NCALD: variants seen among roughly 807,000 people sequenced by gnomAD.
NCALD encodes the protein neurocalcin delta.
A neutral mutation model predicts 18.6 loss-of-function variants in NCALD; 10 were observed. That is an observed-to-expected ratio of 0.54 (90% CI 0.33 to 0.91). The LOEUF is 0.91. Ranked by LOEUF, NCALD falls within the 40% of genes least tolerant of loss-of-function variation. The pLI, the probability that NCALD is intolerant of heterozygous loss-of-function variation, is 0.03. For missense variants in NCALD, 184 were observed against 247.6 expected (o/e 0.74, Z 1.72); for synonymous variants, 88 against 87.4 (o/e 1.01, Z -0.04).
chr8:102,041,059 G>A (rs1823033581), intron 1 of NCALD, among the ~76,000 whole-genome samples: 1 of 152,158 alleles, frequency 6.6e-6, no homozygotes, highest in Non-Finnish European at 1.5e-5. Flanking sequence ...CACCTATTCT[G>A]CTAATTTCTC....
chr8:102,075,113 G>A (rs1824300026), intron 1 of NCALD, among the ~76,000 whole-genome samples: 1 of 152,172 alleles, frequency 6.6e-6, no homozygotes, highest in African/African-American at 2.4e-5. Context: ...AAGACACACT[G>A]AGAAACTGAA....
chr8:102,021,295 A>G (rs1822264671), intron 1 of NCALD, among the ~76,000 whole-genome samples: 1 of 152,206 alleles, frequency 6.6e-6, no homozygotes, highest in Admixed American at 6.5e-5. Context: ...TTTGATTCAT[A>G]TTGATAATTT....
chr8:101,819,501 C>T (rs554940353), intron 4 of NCALD, among the ~76,000 whole-genome samples: 31 of 152,102 alleles, frequency 2.0e-4, no homozygotes, highest in African/African-American at 7.5e-4. Flanking sequence ...CATAGCTTTG[C>T]ACATTCTTTC....
intron 1 of NCALD, among the ~76,000 whole-genome samples, chr8:102,047,900 C>T (rs1160945479): frequency 1.3e-5 from 2 of 152,052 alleles, no homozygotes; most frequent in East Asian, 1.9e-4. Context: ...GGATATGATG[C>T]TATTTTTACA....
At chr8:102,054,660 CGATAGATAGATAGATAGATAGATA>C (rs10617345) in intron 1 of NCALD, among the ~76,000 whole-genome samples, 31 of 142,406 alleles carry the variant, frequency 2.2e-4, no homozygotes, top group African/African-American at 4.3e-4. Flanking sequence ...CTTTCTCTTC[CGATAGATAGATAGATAGATAGATA>C]GATAGATAGA....
intron 1 of NCALD, among the ~76,000 whole-genome samples, chr8:102,038,687 G>A (rs776833303): frequency 3.9e-5 from 6 of 152,154 alleles, no homozygotes; most frequent in South Asian, 4.1e-4. Context: ...CTTTAGCCAT[G>A]TGGCTGAAAC....
At chr8:101,858,256 G>A (rs1391552528) in intron 4 of NCALD, among the ~76,000 whole-genome samples, 3 of 152,086 alleles carry the variant, frequency 2.0e-5, no homozygotes. Context: ...CACGTCATTG[G>A]ATCTATAGAG....
chr8:101,966,095 C>T (rs1006815000), intron 2 of NCALD, among the ~76,000 whole-genome samples: 3 of 150,278 alleles, frequency 2.0e-5, no homozygotes, highest in African/African-American at 7.4e-5. Flanking sequence ...ATAAAAAATA[C>T]TCTGATAAAA....
intron 1 of NCALD, among the ~76,000 whole-genome samples, chr8:101,736,592 C>T (rs1586351901): frequency 6.6e-6 from 1 of 152,172 alleles, no homozygotes; most frequent in Non-Finnish European, 1.5e-5. Flanking sequence ...GACAAAAACA[C>T]CACTTTCCAG....
chr8:102,026,289 T>A (rs1302124155), intron 1 of NCALD, among the ~76,000 whole-genome samples: 2 of 152,174 alleles, frequency 1.3e-5, no homozygotes, highest in African/African-American at 4.8e-5. Flanking sequence ...CAAAGTCTCA[T>A]CTGAGACAAG....
intron 1 of NCALD, among the ~76,000 whole-genome samples, chr8:101,749,790 A>G (rs193252607): frequency 1.3e-5 from 2 of 152,282 alleles, no homozygotes; most frequent in East Asian, 3.9e-4. Flanking sequence ...TGTTAAAGTC[A>G]AATATATTCC....
At chr8:101,981,864 C>T (rs775043641) in intron 2 of NCALD, among the ~76,000 whole-genome samples, 3 of 152,090 alleles carry the variant, frequency 2.0e-5, no homozygotes, top group Non-Finnish European at 2.9e-5. Flanking sequence ...AACGTTTTGT[C>T]CCCTACCAAT....
chr8:101,951,234 G>A (rs959435041), intron 2 of NCALD, among the ~76,000 whole-genome samples: 13 of 152,298 alleles, frequency 8.5e-5, no homozygotes, highest in African/African-American at 3.1e-4. Context: ...TAGAAAAATG[G>A]TACCCCATGT....
At chr8:101,983,013 T>A (rs536672741) in intron 2 of NCALD, among the ~76,000 whole-genome samples, 10 of 152,046 alleles carry the variant, frequency 6.6e-5, no homozygotes, top group African/African-American at 2.4e-4. Flanking sequence ...GTATGCAGAG[T>A]CTAAACAATT....
chr8:101,699,139 C>T (rs1815139802), intron 2 of NCALD, among the ~76,000 whole-genome samples: 1 of 150,326 alleles, frequency 6.7e-6, no homozygotes, highest in Non-Finnish European at 1.5e-5. Flanking sequence ...CAAAAGAAGA[C>T]ATTTATGCAG....
At chr8:101,712,697 G>GT (rs1407871120) in intron 2 of NCALD, among the ~76,000 whole-genome samples, 9 of 151,660 alleles carry the variant, frequency 5.9e-5, no homozygotes, top group Non-Finnish European at 1.2e-4. Flanking sequence ...ATTACATAAT[G>GT]GTAAAGGGAT....
chr8:102,073,295 C>T (rs1001808943), intron 1 of NCALD, among the ~76,000 whole-genome samples: 5 of 150,982 alleles, frequency 3.3e-5, no homozygotes, highest in South Asian at 2.1e-4. Flanking sequence ...AGTGAGACCC[C>T]GATTCAAAAA....
chr8:101,710,675 C>T (rs1029998426), intron 2 of NCALD, among the ~76,000 whole-genome samples: 1 of 152,200 alleles, frequency 6.6e-6, no homozygotes, highest in Non-Finnish European at 1.5e-5. Context: ...CAGAGCCCAC[C>T]GCAGCACCAC....
At chr8:101,988,174 A>C (rs200638149) in intron 2 of NCALD, among the ~76,000 whole-genome samples, 18 of 151,544 alleles carry the variant, frequency 1.2e-4, no homozygotes, top group African/African-American at 4.1e-4. Context: ...AAAAGAAAAA[A>C]AAAAAGAAAA....
Sources: allele counts gnomAD v4.1 joint callset (sites outside exome capture counted in the v4.1 genomes callset), GRCh38; gene constraint gnomAD v4.1.1; transcripts MANE v1.5; gene names NCBI Gene and HGNC (gene_info 2026-07-23, HGNC 2026-07-21).